ATXN7L1: variants seen among roughly 807,000 people sequenced by gnomAD.
ATXN7L1 encodes ataxin-7-like protein 1.
Under a neutral mutation model 70.8 loss-of-function variants are expected in ATXN7L1, and 15 were observed. That is an observed-to-expected ratio of 0.21 (90% CI 0.14 to 0.33). The LOEUF is 0.33. ATXN7L1 is among the 10% of genes least tolerant of loss of function. ATXN7L1 has a pLI of 1.00. For missense variants in ATXN7L1, 975 were observed against 1,097.1 expected, an observed-to-expected ratio of 0.89 and a Z score of 1.57; for synonymous variants, 440 against 445.1, an observed-to-expected ratio of 0.99 and a Z score of 0.14.
intron 2 of ATXN7L1, among the ~76,000 whole-genome samples, chr7:105,871,588 G>T (rs1818275826): frequency 6.6e-6 from 1 of 151,904 alleles, no homozygotes; most frequent in South Asian, 2.1e-4. Context: ...CGCATGCCTG[G>T]ACTCCCAGCT....
At chr7:105,736,475 G>C (rs1394521705) in intron 3 of ATXN7L1, among the ~76,000 whole-genome samples, 4 of 152,156 alleles carry the variant, frequency 2.6e-5, no homozygotes, top group Non-Finnish European at 5.9e-5. Context: ...TCCTGGCTAG[G>C]TCTCTGGTCT....
intron 4 of ATXN7L1, among the ~76,000 whole-genome samples, chr7:105,658,216 C>A (rs78599080): frequency 1.4e-4 from 20 of 142,262 alleles, no homozygotes; most frequent in South Asian, 2.3e-4. Context: ...TACCCCATCT[C>A]AAAAAAAAAA....
intron 3 of ATXN7L1, among the ~76,000 whole-genome samples, chr7:105,783,660 G>A (rs572988536): frequency 4.6e-5 from 7 of 152,266 alleles, no homozygotes; most frequent in South Asian, 4.1e-4. Context: ...AGGGACAGAC[G>A]CTCCTGCACT....
chr7:105,726,541 C>T (rs562258425), intron 3 of ATXN7L1, among the ~76,000 whole-genome samples: 88 of 152,278 alleles, frequency 5.8e-4, no homozygotes, highest in African/African-American at 2.0e-3. Flanking sequence ...TAGTGCTGGG[C>T]TTCATGCTTG....
chr7:105,758,957 A>C (rs1800155210), intron 3 of ATXN7L1, among the ~76,000 whole-genome samples: 1 of 152,164 alleles, frequency 6.6e-6, no homozygotes. Context: ...TCCCTGCGGA[A>C]GGGGGTCCGT....
intron 3 of ATXN7L1, among the ~76,000 whole-genome samples, chr7:105,683,844 C>G (rs1320922039): frequency 6.6e-6 from 1 of 152,182 alleles, no homozygotes; most frequent in Non-Finnish European, 1.5e-5. Flanking sequence ...ATCGTTCATC[C>G]CTGATACAGC....
intron 3 of ATXN7L1, among the ~76,000 whole-genome samples, chr7:105,749,491 C>G (rs987883065): frequency 6.6e-6 from 1 of 151,422 alleles, no homozygotes; most frequent in Non-Finnish European, 1.5e-5. Context: ...AGTTGTCACC[C>G]TGAGAAAAGG....
At chr7:105,816,318 C>G (rs1429813902) in intron 2 of ATXN7L1, among the ~76,000 whole-genome samples, 2 of 152,258 alleles carry the variant, frequency 1.3e-5, no homozygotes, top group South Asian at 4.1e-4. Flanking sequence ...GAATTTTAAA[C>G]TGGTTTTAGA....
rs79836982 is a variant in ATXN7L1, at chr7:105,861,260, C to T, written c.250+14552G>A. ...GTGTTAACTGGTCGATGAGGGAGTG[C>T]TGAGAGGTTTTCACTTGAGGAACAA... On this transcript the variant is annotated intron_variant, in intron 2 of 11. Coordinates refer to ENST00000419735, the MANE Select transcript of ATXN7L1 (RefSeq NM_020725.2). 7.6e-4 allele frequency among the ~76,000 whole-genome samples: 115 copies of T among 152,242 alleles called. 1 individual carries two copies. In the East Asian group the frequency reaches 0.018, roughly 24 times the overall value.
chr7:105,861,669 A>T (rs1816664881), intron 2 of ATXN7L1, among the ~76,000 whole-genome samples: 2 of 152,164 alleles, frequency 1.3e-5, no homozygotes, highest in African/African-American at 2.4e-5. Context: ...CGCCACACAC[A>T]GGGACCACCT....
At chr7:105,669,668 ATC>A (rs1448842919) in intron 3 of ATXN7L1, among the ~76,000 whole-genome samples, 10 of 152,140 alleles carry the variant, frequency 6.6e-5, no homozygotes, top group Non-Finnish European at 1.2e-4. Flanking sequence ...CACGACTGCA[ATC>A]CCAGCACTTT....
chr7:105,760,622 T>A, intron 3 of ATXN7L1: 5 of 940,604 alleles, frequency 5.3e-6, no homozygotes, highest in Non-Finnish European at 6.3e-6. Context: ...AGCTTGTGGC[T>A]GAGTTGGGAA....
intron 3 of ATXN7L1, among the ~76,000 whole-genome samples, chr7:105,738,826 T>C (rs959824957): frequency 1.2e-4 from 18 of 152,192 alleles, no homozygotes; most frequent in African/African-American, 4.3e-4. Flanking sequence ...TTGCATCCCA[T>C]CCAGTTGGAT....
Position 105,610,604 on chromosome 7 carries a change from C to A in ATXN7L1, c.2473-1G>T. 3 of 1,551,398 alleles carry A rather than the reference C, an allele frequency of 1.9e-6. No homozygotes were observed. The highest frequency in any genetic ancestry group is 2.6e-6 in the Non-Finnish European group (3 of 1,146,880). ...AAGCTAGGCTGCTATTTTTCCCAAC[C>A]TGAAAGACACCATTGAAGCCCCACT... On this transcript the variant is annotated splice_acceptor_variant, in intron 10 of 11. Coordinates refer to ENST00000419735, the MANE Select transcript of ATXN7L1 (RefSeq NM_020725.2). LOFTEE classifies it high-confidence loss of function.
At chr7:105,825,457 A>T (rs1348833305) in intron 2 of ATXN7L1, among the ~76,000 whole-genome samples, 1 of 151,850 alleles carries the variant, frequency 6.6e-6, no homozygotes. Flanking sequence ...GTGACAGGAT[A>T]TACCCAATCT....
chr7:105,613,985 C>A lies in ATXN7L1; in HGVS notation c.2349G>T (p.Ser783=). Residue 783 remains serine, a synonymous_variant, in exon 10 of 12, where the codon TCG becomes TCT. Coordinates refer to ENST00000419735, the MANE Select transcript of ATXN7L1 (RefSeq NM_020725.2). ...DKSEGKKRKN[S]SSSSKACKIT... ...TTTTACAGGCTTTGCTACTAGAACT[C>A]GAGTTCTTACGCTTTTTTCCTTCTG... 1 of 1,552,222 alleles carries A rather than the reference C, an allele frequency of 6.4e-7. No homozygotes were observed. The highest frequency in any genetic ancestry group is 8.7e-7 in the Non-Finnish European group (1 of 1,147,120).
intron 7 of ATXN7L1, among the ~76,000 whole-genome samples, chr7:105,634,217 G>A (rs1797036113): frequency 6.6e-6 from 1 of 152,056 alleles, no homozygotes; most frequent in Non-Finnish European, 1.5e-5. Context: ...TTCCCCCTCC[G>A]TACTACATCA....
chr7:105,784,435 A>AACACACACACACACAC (rs10667714), intron 3 of ATXN7L1, among the ~76,000 whole-genome samples: 1 of 149,728 alleles, frequency 6.7e-6, no homozygotes, highest in African/African-American at 2.4e-5. Flanking sequence ...TGACTGGCTA[A>AACACACACACACACAC]ACACACACAC....
At chr7:105,779,441 A>C (rs1803222863) in intron 3 of ATXN7L1, among the ~76,000 whole-genome samples, 1 of 152,224 alleles carries the variant, frequency 6.6e-6, no homozygotes, top group Non-Finnish European at 1.5e-5. Context: ...CAAGTCCAAA[A>C]TATAAAAACT....
Sources: gnomAD v4.1 joint callset for allele counts (sites outside exome capture counted in the v4.1 genomes callset) on GRCh38, gnomAD v4.1.1 for gene constraint, MANE v1.5 for transcripts, NCBI Gene and HGNC (gene_info 2026-07-23, HGNC 2026-07-21) for gene names.